The following SPG11 variants were observed in gnomAD, a reference collection of about 807,000 sequenced individuals.
SPG11 encodes the protein SPG11 vesicle trafficking associated, spatacsin.
Under a neutral mutation model 274.0 loss-of-function variants are expected in SPG11, and 222 were observed. The observed-to-expected ratio is 0.81, with a 90% CI of 0.73 to 0.91. The LOEUF (loss-of-function observed/expected upper bound fraction) is 0.91, where lower values mean the gene tolerates loss of function less well. SPG11 is among the 40% of genes least tolerant of loss of function. The pLI is 0.00. For synonymous variants in SPG11, 1,144 were observed against 1,039.7 expected, an observed-to-expected ratio of 1.10 and a Z score of -1.93; for missense variants, 3,114 against 2,872.7, an observed-to-expected ratio of 1.08 and a Z score of -1.92.
intron 38 of SPG11, 135 bp from the exon 39 acceptor site, chr15:44,564,833 CTA>C: frequency 3.0e-6 from 3 of 999,126 alleles, no homozygotes; most frequent in South Asian, 3.0e-5. Context: ...TTAAAAGGCT[CTA>C]TGTATCAGAG....
chr15:44,652,660 T>G (rs1235369370), intron 4 of SPG11, among the ~76,000 whole-genome samples: 1 of 144,958 alleles, frequency 6.9e-6, no homozygotes, highest in Non-Finnish European at 1.5e-5. Context: ...CTTTTTTTCT[T>G]TTTTTTTTTT....
At chr15:44,594,879 C>G (rs369671206) in intron 26 of SPG11, among the ~76,000 whole-genome samples, 5 of 152,218 alleles carry the variant, frequency 3.3e-5, no homozygotes, top group African/African-American at 4.8e-5. Context: ...TGCAGTGGCA[C>G]GATCTCGGCT....
At chr15:44,587,113 C>T (rs969952755) in intron 28 of SPG11, among the ~76,000 whole-genome samples, 2 of 152,150 alleles carry the variant, frequency 1.3e-5, no homozygotes, top group South Asian at 2.1e-4. Context: ...CAAGAGGGAT[C>T]GCTTGAGGCC....
At chr15:44,618,404 G>A (rs2083647551) in intron 15 of SPG11, among the ~76,000 whole-genome samples, 1 of 151,166 alleles carries the variant, frequency 6.6e-6, no homozygotes. Context: ...TGTAGTCCCA[G>A]CTACTGGGGA....
chr15:44,582,264 A>G (rs1269858249), intron 30 of SPG11, among the ~76,000 whole-genome samples: 2 of 152,124 alleles, frequency 1.3e-5, no homozygotes, highest in Non-Finnish European at 2.9e-5. Context: ...AGTATAAAAA[A>G]AGGCCGGGCA....
rs2085191613 is a variant in SPG11 at position 44,663,613 on chromosome 15, G to A, written c.35C>T (p.Ser12Phe). Residue 12 changes from serine (S) to phenylalanine (F), a missense_variant, in exon 1 of 40, where the codon TCC (serine) becomes TTC (phenylalanine). Physicochemically the swap from Ser to Phe is radical, Grantham distance 155. Coordinates refer to ENST00000261866, the MANE Select transcript of SPG11 (RefSeq NM_025137.4). ...CGCGGTGCCCCAGCTACCGCCGGCG[G>A]AAGCAGCACTCGCGACCCCTTCCTC... Reference protein sequence around the residue: ...AAEEGVASAASAGGSWGTAAM... With the variant: ...AAEEGVASAAFAGGSWGTAAM... The A allele has an allele frequency of 6.3e-7, 1 of 1,596,776 alleles. No homozygotes were observed. Among genetic ancestry groups the A allele is most frequent in the Non-Finnish European group, 8.5e-7 (1 of 1,175,960 alleles).
In SPG11 at chr15:44,596,913, T is replaced by C. The variant is rs777961845; in HGVS notation, c.4032A>G (p.Ala1344=). 1.9e-6 allele frequency: 3 copies of C among 1,613,892 alleles called. No individual in the cohort carries two copies. The highest frequency in any genetic ancestry group is 2.7e-5 in the African/African-American group (2 of 74,892). The change falls in exon 24 of 40, where the codon GCA becomes GCG. Residue 1344 remains alanine (A), a synonymous_variant. Transcript: ENST00000261866. The part of the protein sequence containing the change: ...RLSSESSSQW[A]LVVQFCRLHN... ...GTAGCCTGCAGAACTGCACCACTAA[T>C]GCCCATTGGCTGCTAGATTCACTGG...
intron 15 of SPG11, among the ~76,000 whole-genome samples, chr15:44,617,205 G>C (rs894340031): frequency 2.6e-5 from 4 of 152,196 alleles, no homozygotes; most frequent in African/African-American, 9.6e-5. Context: ...CCTACACTAA[G>C]GGTCACAACT....
At chr15:44,614,132 T>G (rs752144259) in intron 16 of SPG11, among the ~76,000 whole-genome samples, 3 of 152,228 alleles carry the variant, frequency 2.0e-5, no homozygotes, top group Non-Finnish European at 4.4e-5. Flanking sequence ...AAAATACAGC[T>G]CTTAAACCTG....
rs754327285 is a variant in SPG11, at chr15:44,648,997, G to C, written c.1471C>G (p.Leu491Val). The change falls in exon 7 of 40, where the codon CTG becomes GTG. Residue 491 changes from leucine to valine, a missense_variant. By Grantham distance (32) the Leu-to-Val change is conservative. Transcript: ENST00000261866. Reference protein sequence around the residue: ...CFVLTENGLSLILFGLTQEEF... With the variant: ...CFVLTENGLSVILFGLTQEEF... ...TCTTGAGTCAAACCAAACAAAATCA[G>C]AGAGAGTCCATTCTCTATAGGAAAA... 1.2e-6 allele frequency: 2 copies of C among 1,613,146 alleles called. No homozygotes were observed. Among genetic ancestry groups the C allele is most frequent in the Non-Finnish European group, 8.5e-7 (1 of 1,179,328 alleles).
At chr15:44,653,911 G>T (rs1566828711) in intron 4 of SPG11, among the ~76,000 whole-genome samples, 2 of 152,004 alleles carry the variant, frequency 1.3e-5, no homozygotes, top group Admixed American at 1.3e-4. Flanking sequence ...AATTTGTAAA[G>T]ATTTGCAACA....
Position 44,633,632 on chromosome 15 carries a change from C to T in SPG11, c.1608G>A (p.Gly536=). The T allele has an allele frequency of 6.2e-7, 1 of 1,613,312 alleles. No homozygotes were observed. The highest frequency in any genetic ancestry group is 8.5e-7 in the Non-Finnish European group (1 of 1,179,734). Residue 536 remains glycine, a synonymous_variant, in exon 8 of 40, where the codon GGG becomes GGA. Transcript: ENST00000261866. ...CSIPIHALEA[G]IENRQLDTVN... The stretch of plus-strand genomic sequence containing the variant: ...CTGTGTCCAGCTGACGATTTTCTAT[C>T]CCGGCCTGAAATGAGGAGGAAAATA...
rs751899498 is a variant in SPG11 at position 44,651,628 on chromosome 15, G to T, written c.1319C>A (p.Thr440Asn). The change falls in exon 6 of 40, where the codon ACT becomes AAT. Residue 440 changes from threonine to asparagine, a missense_variant. Coordinates refer to ENST00000261866, the MANE Select transcript of SPG11 (RefSeq NM_025137.4). The stretch of plus-strand genomic sequence containing the variant: ...ATAGCCCATCCTTTCCACTTCCCAA[G>T]TAAACAGTGCAGTGAATCCTGTCAC... ...VSVTGFTALF[T>N]WEVERMGYTI... 5 of 1,614,212 alleles carry T rather than the reference G, an allele frequency of 3.1e-6. No individual in the cohort carries two copies. Among genetic ancestry groups the T allele is most frequent in the Non-Finnish European group, 3.4e-6 (4 of 1,180,046 alleles).
At chr15:44,648,393 G>T (rs533398175) in intron 7 of SPG11, among the ~76,000 whole-genome samples, 3 of 152,040 alleles carry the variant, frequency 2.0e-5, no homozygotes, top group Admixed American at 2.0e-4. Context: ...CGTGCCTGTA[G>T]TCCCACCTAC....
chr15:44,593,890 T>A (rs1402437762), intron 26 of SPG11, among the ~76,000 whole-genome samples: 1 of 151,194 alleles, frequency 6.6e-6, no homozygotes, highest in African/African-American at 2.4e-5. Context: ...AGCAGCTGGG[T>A]TTACAGGTGC....
Position 44,565,200 on chromosome 15 carries a change from C to T in SPG11, c.7000-502G>A, listed in dbSNP as rs1373555746. On this transcript the variant is annotated intron_variant, in intron 38 of 39. Coordinates refer to ENST00000261866, the MANE Select transcript of SPG11 (RefSeq NM_025137.4). ...GACTTGCTGTACTAACCTGAGTGTG[C>T]CATTCTGTAACTGCTGGGGCTAGGA... Among the ~76,000 whole-genome samples, 4 of 152,178 alleles carry T rather than the reference C, an allele frequency of 2.6e-5. No individual in the cohort carries two copies. In the East Asian group the frequency reaches 7.7e-4, roughly 29 times the overall value.
intron 17 of SPG11, among the ~76,000 whole-genome samples, chr15:44,611,659 C>T (rs1428835651): frequency 2.0e-5 from 3 of 151,744 alleles, no homozygotes; most frequent in Non-Finnish European, 4.4e-5. Flanking sequence ...GAAATAAGGA[C>T]AGTTTTATAT....
At chr15:44,563,398 G>C in intron 39 of SPG11, 97 bp from the exon 40 acceptor site, 4 of 1,157,556 alleles carry the variant, frequency 3.5e-6, no homozygotes, top group Non-Finnish European at 5.1e-6. Flanking sequence ...GAGTGCAGAG[G>C]AGCAGTCTTG....
At chr15:44,584,581 T>G (rs1221650072) in intron 29 of SPG11, 23 bp from the exon 30 acceptor site, 1 of 1,603,300 alleles carries the variant, frequency 6.2e-7, no homozygotes, top group African/African-American at 1.3e-5. Flanking sequence ...ACAAAGCAGA[T>G]TTTAGCCTTT....
Sources: gnomAD v4.1 joint callset for allele counts (sites outside exome capture counted in the v4.1 genomes callset) on GRCh38, gnomAD v4.1.1 for gene constraint, MANE v1.5 for transcripts, NCBI Gene and HGNC (gene_info 2026-07-23, HGNC 2026-07-21) for gene names.